The following GUCY2F variants were observed in gnomAD, a reference collection of about 807,000 sequenced individuals.
The protein encoded by GUCY2F is retinal guanylyl cyclase 2.
A neutral mutation model predicts 73.1 loss-of-function variants in GUCY2F; 61 were observed. That is an observed-to-expected ratio of 0.83 (90% CI 0.68 to 1.03). The LOEUF (loss-of-function observed/expected upper bound fraction) is 1.03. GUCY2F is among the 50% of genes least tolerant of loss of function. The pLI is 0.00. For synonymous variants in GUCY2F, 331 were observed against 307.8 expected (o/e 1.08, Z -0.79); for missense variants, 912 against 854.3 (o/e 1.07, Z -0.84).
rs1931645969 is a variant in GUCY2F, at chrX:109,432,797, T to C, written c.1702-2401A>G. 4.5e-5 allele frequency among the ~76,000 whole-genome samples: 5 copies of C among 112,134 alleles called. No homozygotes were observed. The Admixed American group carries it at 4.7e-4, about 11-fold the overall frequency. ...CTATCTGCCCAGTGAAGCCTCCTTG[T>C]CACCTTTGGAGTCAGGCTTTAGGAG... On this transcript the variant is annotated intron_variant, in intron 7 of 19. Transcript: ENST00000218006.
rs186902792 is a variant in GUCY2F, at chrX:109,469,018, C to T, written c.731-3575G>A. Among the ~76,000 whole-genome samples, 5 of 111,619 alleles carry T rather than the reference C, an allele frequency of 4.5e-5. No individual in the cohort carries two copies. In the East Asian group the frequency reaches 1.4e-3, roughly 31 times the overall value. On this transcript the variant is annotated intron_variant, in intron 2 of 19. Coordinates refer to ENST00000218006, the MANE Select transcript of GUCY2F (RefSeq NM_001522.3). The stretch of plus-strand genomic sequence containing the variant: ...CAGAAACCTTAAATCCTAAACAAGG[C>T]CTGGGTCAACAGGTGGTCACTGAAT...
intron 11 of GUCY2F, among the ~76,000 whole-genome samples, chrX:109,395,803 CT>C (rs968838760): frequency 9.0e-6 from 1 of 111,626 alleles, no homozygotes; most frequent in Non-Finnish European, 1.9e-5. Context: ...AGGGACCTGG[CT>C]CCCCTCACCC....
intron 4 of GUCY2F, among the ~76,000 whole-genome samples, chrX:109,452,648 T>G (rs111874677): frequency 8.9e-6 from 1 of 111,762 alleles, no homozygotes; most frequent in Non-Finnish European, 1.9e-5. Flanking sequence ...TTTGGATAGA[T>G]TAGTAAGATT....
At chrX:109,448,524 T>C (rs1932073693) in intron 5 of GUCY2F, among the ~76,000 whole-genome samples, 1 of 112,322 alleles carries the variant, frequency 8.9e-6, no homozygotes, top group Non-Finnish European at 1.9e-5. Flanking sequence ...CTCAACACCC[T>C]TTCTCATATG....
At chrX:109,463,091 T>C (rs1472242402) in intron 3 of GUCY2F, among the ~76,000 whole-genome samples, 2 of 111,801 alleles carry the variant, frequency 1.8e-5, no homozygotes, top group African/African-American at 6.5e-5. Flanking sequence ...ATATTTGATA[T>C]AAATCCTCCG....
chrX:109,382,319 A>G (rs1180045418), intron 16 of GUCY2F, 107 bp from the exon 17 acceptor site: 1 of 504,161 alleles, frequency 2.0e-6, no homozygotes, highest in Non-Finnish European at 3.6e-6. Context: ...CTAGACCATT[A>G]GCAACGTCCT....
intron 1 of GUCY2F, among the ~76,000 whole-genome samples, chrX:109,480,916 G>GGGAA (rs761273929): frequency 9.5e-6 from 1 of 105,184 alleles, no homozygotes; most frequent in Non-Finnish European, 2.0e-5. Flanking sequence ...AAAAAAAGAA[G>GGGAA]GGAAGGAAGG....
intron 3 of GUCY2F, among the ~76,000 whole-genome samples, chrX:109,461,382 G>A (rs907824011): frequency 8.9e-5 from 10 of 112,316 alleles, no homozygotes; most frequent in African/African-American, 2.9e-4. Context: ...CGCTTTGATA[G>A]CTTTTTGTTC....
At chrX:109,388,461 G>C (rs749065561) in intron 15 of GUCY2F, 28 bp downstream of exon 15, 2 of 1,120,309 alleles carry the variant, frequency 1.8e-6, no homozygotes, top group Admixed American at 4.4e-5. Context: ...GCATTAGAAT[G>C]TTTCCTCTTA....
chrX:109,406,829 A>G (rs749654349), intron 9 of GUCY2F, among the ~76,000 whole-genome samples: 113 of 111,919 alleles, frequency 1.0e-3, no homozygotes, highest in Middle Eastern at 4.6e-3. Flanking sequence ...TCCCGCTACC[A>G]TGTAAGAAGT....
chrX:109,394,155 G>A (rs1008854743), intron 12 of GUCY2F, among the ~76,000 whole-genome samples: 1 of 112,017 alleles, frequency 8.9e-6, no homozygotes, highest in African/African-American at 3.2e-5. Context: ...TCATCAGACA[G>A]CCTAAACTTC....
chrX:109,479,243 A>G (rs185005365), intron 1 of GUCY2F, among the ~76,000 whole-genome samples: 42 of 112,239 alleles, frequency 3.7e-4, no homozygotes, highest in African/African-American at 1.3e-3. Flanking sequence ...ATTAGCCCCA[A>G]TTTTCAACTT....
Position 109,453,502 on chromosome X carries a change from T to C in GUCY2F, c.1387+3A>G. 2 of 1,167,771 alleles carry C rather than the reference T, an allele frequency of 1.7e-6. No homozygotes were observed. Among genetic ancestry groups the C allele is most frequent in the Non-Finnish European group, 2.3e-6 (2 of 860,415 alleles). ...TGACTACTAGTGATTTTGCATTCCT[T>C]ACCTCCATGGCAGATCTTCCCTTCT... On this transcript the variant is annotated splice_donor_region_variant and intron_variant, in intron 4 of 19. Transcript: ENST00000218006.
At chrX:109,373,615 T>A (rs926801100) in intron 19 of GUCY2F, among the ~76,000 whole-genome samples, 11 of 112,209 alleles carry the variant, frequency 9.8e-5, no homozygotes, top group South Asian at 3.7e-4. Context: ...GACCCTCTAT[T>A]CTTCAAAACT....
At chrX:109,401,225 T>A (rs1442582042) in intron 10 of GUCY2F, among the ~76,000 whole-genome samples, 1 of 112,094 alleles carries the variant, frequency 8.9e-6, no homozygotes, top group East Asian at 2.8e-4. Context: ...AGTTGAACTC[T>A]CGGGAAAACT....
intron 2 of GUCY2F, among the ~76,000 whole-genome samples, chrX:109,471,464 C>A (rs1253875094): frequency 8.9e-6 from 1 of 112,332 alleles, no homozygotes; most frequent in Non-Finnish European, 1.9e-5. Flanking sequence ...AGTAAATGAC[C>A]TTTTGTGCCA....
At chrX:109,386,813 T>C (rs1930447190) in intron 15 of GUCY2F, among the ~76,000 whole-genome samples, 1 of 111,863 alleles carries the variant, frequency 8.9e-6, no homozygotes, top group Non-Finnish European at 1.9e-5. Flanking sequence ...GAGTTTATGC[T>C]GATTTGTGGG....
intron 12 of GUCY2F, among the ~76,000 whole-genome samples, chrX:109,395,047 A>G (rs1026945668): frequency 1.1e-4 from 12 of 112,032 alleles, no homozygotes; most frequent in African/African-American, 3.9e-4. Context: ...CAAATGCCTG[A>G]TGGTTCAATT....
intron 2 of GUCY2F, among the ~76,000 whole-genome samples, chrX:109,467,700 C>T (rs1359193200): frequency 3.6e-5 from 4 of 111,982 alleles, no homozygotes; most frequent in Non-Finnish European, 7.5e-5. Context: ...AGGCACCTCT[C>T]TCAAGGTTAC....
Sources: allele counts gnomAD v4.1 joint callset (sites outside exome capture counted in the v4.1 genomes callset), GRCh38; gene constraint gnomAD v4.1.1; transcripts MANE v1.5; gene names NCBI Gene and HGNC (gene_info 2026-07-23, HGNC 2026-07-21).